LILRB3: variants seen among roughly 807,000 people sequenced by gnomAD.
LILRB3 encodes the protein leukocyte immunoglobulin like receptor B3.
A neutral mutation model predicts 68.2 loss-of-function variants in LILRB3; 32 were observed. That is an observed-to-expected ratio of 0.47 (90% confidence interval 0.35 to 0.63). LILRB3 has a LOEUF of 0.63. Among genes scored for constraint, LILRB3 ranks in the 30% least tolerant of loss-of-function variants. The pLI, the probability that LILRB3 is intolerant of heterozygous loss-of-function variation, is 0.00. For synonymous variants in LILRB3, 185 were observed against 323.1 expected (o/e 0.57, Z 4.58); for missense variants, 502 against 791.3 (o/e 0.63, Z 4.39).
chr19:54,217,166 G>A (rs570431012), exon 13 of LILRB3: 3 of 1,613,930 alleles, frequency 1.9e-6, no homozygotes, highest in East Asian at 2.2e-5. Context: ...AGGAGGCTCA[G>A]TTGCCTTCCG....
exon 13 of LILRB3, chr19:54,217,017 C>A: frequency 6.2e-7 from 1 of 1,611,116 alleles, no homozygotes. Flanking sequence ...CACTGGTGTC[C>A]ACTGGGGGCA....
In LILRB3 at chr19:54,220,839, A is replaced by G; in HGVS notation, c.956-9T>C. 6.9e-7 allele frequency: 1 copy of G among 1,451,808 alleles called. No homozygotes were observed. Among genetic ancestry groups the G allele is most frequent in the South Asian group, 1.3e-5 (1 of 77,422 alleles). The allele number at this position is 1,451,808 out of a possible 1,614,324, so 89.9% of individuals were successfully genotyped here. A position where few individuals can be genotyped will look rare whatever the true frequency, so the allele number is the denominator to read the frequency against. On this transcript the variant is annotated splice_polypyrimidine_tract_variant and intron_variant, in intron 5 of 12. Transcript: ENST00000445347. Reference sequence around the variant, plus strand: ...GGTGTCATAGATCTGTCCTGGAGAGAAGAAGGATGGGTGAGGGGCTGCCCC... The same window carrying G: ...GGTGTCATAGATCTGTCCTGGAGAGGAGAAGGATGGGTGAGGGGCTGCCCC...
In LILRB3 at chr19:54,221,120, C is replaced by G. The variant is rs1156764128; in HGVS notation, c.918G>C (p.Trp306Cys). Residue 306 changes from tryptophan to cysteine, a missense_variant, in exon 5 of 13, where the codon TGG becomes TGC. Trp to Cys is a radical substitution (Grantham distance 215). Transcript: ENST00000445347. ...TGTCCAGGGGGTCACTGGGGGCCGACCACTCGGAGGAGAGGTTGTGTGCAC... is the reference window on the plus strand; with the variant it reads ...TGTCCAGGGGGTCACTGGGGGCCGAGCACTCGGAGGAGAGGTTGTGTGCAC... 8.1e-5 allele frequency: 103 copies of G among 1,279,434 alleles called. 6 individuals carry two copies. The African/African-American group carries it at 1.6e-3, about 20-fold the overall frequency. 79.3% of individuals were successfully genotyped at this position (1,279,434 alleles called of 1,614,324 possible).
rs1230781615 is a variant in LILRB3 at position 54,218,969 on chromosome 19, A to G, written c.1427-131T>C. Reference sequence around the variant, plus strand: ...GTTCCAAATATTTTATGAGATAGAAAAAAACTCCCATGAATACTGAAGTTT... The same window carrying G: ...GTTCCAAATATTTTATGAGATAGAAGAAAACTCCCATGAATACTGAAGTTT... On this transcript the variant is annotated intron_variant, in intron 8 of 12. Transcript: ENST00000445347. The G allele has an allele frequency of 1.1e-5, 17 of 1,533,350 alleles. No homozygotes were observed. In the East Asian group the frequency reaches 1.6e-4, roughly 14 times the overall value. The allele number at this position is 1,533,350 out of a possible 1,614,324, so 95.0% of individuals were successfully genotyped here.
exon 9 of LILRB3, chr19:54,218,824 C>T: frequency 6.2e-7 from 1 of 1,614,150 alleles, no homozygotes; most frequent in South Asian, 1.1e-5. Context: ...CGCTGGAAAT[C>T]AGTCTTTCTC....
chr19:54,216,406 C>T lies in LILRB3; in HGVS notation c.*687G>A, dbSNP rs556172353. The T allele has an allele frequency of 2.0e-3, 301 of 153,594 alleles. 2 individuals carry two copies. Among genetic ancestry groups the T allele is most frequent in the Non-Finnish European group, 3.4e-3 (238 of 70,300 alleles). The allele number at this position is 153,594 out of a possible 1,614,324, so 9.5% of individuals were successfully genotyped here. On this transcript the variant is annotated 3_prime_UTR_variant, in exon 13 of 13. Coordinates refer to ENST00000445347, the Ensembl canonical transcript of LILRB3. ...CTCACTGCAAGCTCTGCCTCCCGGG[C>T]TCATGCCATTCTCCTGCCTCAGCCT...
intron 8 of LILRB3, 27 bp downstream of exon 8, chr19:54,219,102 C>T: frequency 6.4e-7 from 1 of 1,569,074 alleles, no homozygotes; most frequent in Non-Finnish European, 8.6e-7. Context: ...CTCGGTCGAC[C>T]CATGGGTCCC....
intron 8 of LILRB3, 21 bp downstream of exon 8, chr19:54,219,108 G>A (rs2077795362): frequency 2.5e-6 from 4 of 1,573,510 alleles, no homozygotes; most frequent in Non-Finnish European, 3.4e-6. Flanking sequence ...CGACCCATGG[G>A]TCCCCCGCTT....
In LILRB3 at chr19:54,219,455, G is replaced by C. The variant is rs865782949; in HGVS notation, c.1310-210C>G. 12 of 1,536,646 alleles carry C rather than the reference G, an allele frequency of 7.8e-6. No homozygotes were observed. In the Middle Eastern group the frequency reaches 1.2e-3, roughly 150 times the overall value. On this transcript the variant is annotated intron_variant, in intron 7 of 12. Transcript: ENST00000445347. The stretch of plus-strand genomic sequence containing the variant: ...TGCCCCAGGCCTCCAGCGAGGAAGC[G>C]GCAGAGCTGGGAAGGGAGCCCGGGA...
In LILRB3 at chr19:54,218,236, A is replaced by G. The variant is rs3865480; in HGVS notation, c.1593+125T>C. 1.3e-3 allele frequency: 1,662 copies of G among 1,321,622 alleles called. 9 individuals carry two copies. The highest frequency in any genetic ancestry group is 5.9e-3 in the African/African-American group (410 of 69,528). 81.9% of individuals were successfully genotyped at this position (1,321,622 alleles called of 1,614,324 possible). ...GAGGTCACAGCAGGCGGGAGGCAGC[A>G]TGCTGGACAAGGAGGGGTCCACCGT... On this transcript the variant is annotated intron_variant, in intron 11 of 12. Transcript: ENST00000445347.
chr19:54,218,597 G>A (rs962401225), intron 10 of LILRB3, 48 bp downstream of exon 10: 4 of 1,613,718 alleles, frequency 2.5e-6, no homozygotes, highest in Non-Finnish European at 3.4e-6. Flanking sequence ...GAAATTTTGG[G>A]ACTCCTGTCT....
chr19:54,216,980 TG>T, exon 13 of LILRB3: 2 of 1,580,332 alleles, frequency 1.3e-6, no homozygotes, highest in Non-Finnish European at 1.7e-6. Flanking sequence ...TCATGGTCTG[TG>T]TTAGGGGTCC....
chr19:54,218,789 C>G, exon 9 of LILRB3: 3 of 1,614,110 alleles, frequency 1.9e-6, no homozygotes, highest in Non-Finnish European at 2.5e-6. Context: ...TGTCCTTGGG[C>G]TCTGTCTCCG....
At chr19:54,222,154 T>C in intron 3 of LILRB3, 24 bp from the exon 4 acceptor site, 1 of 1,609,356 alleles carries the variant, frequency 6.2e-7, no homozygotes, top group Non-Finnish European at 8.5e-7. Context: ...AGGCACCGTG[T>C]TAAATGGGGC....
At chr19:54,217,792 A>T in intron 11 of LILRB3, 1 of 572,990 alleles carries the variant, frequency 1.7e-6, no homozygotes, top group Middle Eastern at 4.6e-4. Flanking sequence ...CACTCTGTCC[A>T]GGCTTCTCAG....
intron 7 of LILRB3, chr19:54,219,635 G>A (rs2077882947): frequency 2.7e-6 from 4 of 1,498,254 alleles, no homozygotes; most frequent in Admixed American, 4.6e-5. Context: ...GTGGAATCGG[G>A]TCTGGGAGGT....
At chr19:54,218,437 C>A in intron 10 of LILRB3, 24 bp from the exon 11 acceptor site, 1 of 1,613,728 alleles carries the variant, frequency 6.2e-7, no homozygotes, top group Non-Finnish European at 8.5e-7. Context: ...GCAAGGGGTT[C>A]GTCTCCTGGT....
chr19:54,217,295 G>C, intron 12 of LILRB3, 24 bp downstream of exon 12: 1 of 1,585,270 alleles, frequency 6.3e-7, no homozygotes, highest in East Asian at 2.2e-5. Context: ...GGAGGCCTGG[G>C]GGCCTGGAGA....
exon 13 of LILRB3, chr19:54,216,311 C>CT (rs756606834): frequency 1.7e-3 from 240 of 137,628 alleles, no homozygotes; most frequent in Middle Eastern, 7.9e-3. Context: ...TTTTTTCTTT[C>CT]TTTTTTTTTT....
Sources: gnomAD v4.1 joint callset for allele counts on GRCh38, gnomAD v4.1.1 for gene constraint, MANE v1.5 for transcripts, NCBI Gene and HGNC (gene_info 2026-07-23, HGNC 2026-07-21) for gene names.